The following APP variants were observed in gnomAD, a reference collection of about 807,000 sequenced individuals.
APP encodes amyloid beta precursor protein, also known as amyloid-beta precursor protein.
APP carries 31 observed loss-of-function variants against 101.4 expected under a neutral mutation model. The observed-to-expected ratio is 0.31, with a 90% confidence interval of 0.23 to 0.41. The LOEUF (loss-of-function observed/expected upper bound fraction) is 0.41, where lower values mean the gene tolerates loss of function less well. Among genes scored for constraint, APP ranks in the 10% least tolerant of loss-of-function variants. The pLI is 1.00. For synonymous variants in APP, 366 were observed against 364.4 expected, an observed-to-expected ratio of 1.00 and a Z score of -0.05; for missense variants, 839 against 1,003.7, an observed-to-expected ratio of 0.84 and a Z score of 2.22.
At chr21:26,111,098 A>G (rs2062310568) in intron 2 of APP, among the ~76,000 whole-genome samples, 1 of 151,018 alleles carries the variant, frequency 6.6e-6, no homozygotes, top group Admixed American at 6.6e-5. Context: ...AAAAAAAAAA[A>G]AAAAAAAAAA....
At chr21:26,001,415 T>C (rs948567560) in intron 6 of APP, among the ~76,000 whole-genome samples, 10 of 152,246 alleles carry the variant, frequency 6.6e-5, no homozygotes, top group African/African-American at 2.4e-4. Context: ...CACACACAGA[T>C]GTCTTCTTAG....
intron 1 of APP, among the ~76,000 whole-genome samples, chr21:26,121,310 C>T (rs2146238357): frequency 6.6e-6 from 1 of 152,202 alleles, no homozygotes; most frequent in East Asian, 1.9e-4. Flanking sequence ...CTGGGGGTCA[C>T]TCCTCATACC....
intron 1 of APP, among the ~76,000 whole-genome samples, chr21:26,122,287 T>A (rs2062590949): frequency 6.6e-6 from 1 of 152,150 alleles, no homozygotes; most frequent in Admixed American, 6.5e-5. Flanking sequence ...CACTGCTGAG[T>A]CTGGTACATA....
intron 16 of APP, among the ~76,000 whole-genome samples, chr21:25,897,234 TC>T (rs543020371): frequency 1.8e-4 from 27 of 152,048 alleles, no homozygotes; most frequent in South Asian, 8.3e-4. Flanking sequence ...TGCGTCAGCC[TC>T]CCCAGCAGCT....
chr21:26,041,869 C>G (rs1367307658), intron 5 of APP, among the ~76,000 whole-genome samples: 1 of 151,858 alleles, frequency 6.6e-6, no homozygotes, highest in Non-Finnish European at 1.5e-5. Flanking sequence ...AAACTGGCAG[C>G]CAGTTCCCTC....
chr21:25,980,998 G>A (rs1305724877), intron 9 of APP, among the ~76,000 whole-genome samples: 1 of 152,172 alleles, frequency 6.6e-6, no homozygotes, highest in Non-Finnish European at 1.5e-5. Flanking sequence ...TGGTGATGGG[G>A]CATGAGGTTG....
intron 1 of APP, among the ~76,000 whole-genome samples, chr21:26,164,244 C>A (rs971700872): frequency 1.3e-5 from 2 of 152,204 alleles, no homozygotes; most frequent in Non-Finnish European, 2.9e-5. Context: ...GACTCCGTCT[C>A]AAAAACAAAA....
rs200487832 is a variant in APP at position 25,976,000 on chromosome 21, C to T, written c.1253G>A (p.Arg418His). 5.0e-6 allele frequency: 8 copies of T among 1,613,744 alleles called. No individual in the cohort carries two copies. The highest frequency in any genetic ancestry group is 1.1e-5 in the South Asian group (1 of 91,088). ...AGCTTTAGGCAAGTTCTTTGCTTGACGTTCTGCCTCTTCCCATTCTCTCAT... is the reference window on the plus strand; with the variant it reads ...AGCTTTAGGCAAGTTCTTTGCTTGATGTTCTGCCTCTTCCCATTCTCTCAT... Reference protein sequence around the residue: ...QVMREWEEAERQAKNLPKADK... With the variant: ...QVMREWEEAEHQAKNLPKADK... The change falls in exon 10 of 18, where the codon CGT becomes CAT. Residue 418 changes from arginine to histidine, a missense_variant. Arg to His is a conservative substitution (Grantham distance 29). Coordinates refer to ENST00000346798, the MANE Select transcript of APP (RefSeq NM_000484.4).
chr21:26,032,125 G>C (rs2044856989), intron 5 of APP, among the ~76,000 whole-genome samples: 2 of 152,170 alleles, frequency 1.3e-5, no homozygotes, highest in Non-Finnish European at 2.9e-5. Context: ...GTTCTGGAGA[G>C]GTAAGACTTT....
intron 15 of APP, among the ~76,000 whole-genome samples, chr21:25,898,915 A>T (rs767090314): frequency 1.1e-4 from 16 of 152,182 alleles, no homozygotes; most frequent in Admixed American, 3.9e-4. Context: ...CATCTTGCTG[A>T]CACTGAAAAG....
intron 1 of APP, among the ~76,000 whole-genome samples, chr21:26,168,139 T>C (rs1374401082): frequency 1.3e-5 from 2 of 152,182 alleles, no homozygotes; most frequent in Admixed American, 6.5e-5. Context: ...AAACATCATA[T>C]AGATTAGGGT....
chr21:25,905,244 A>T (rs2038729102), intron 14 of APP, among the ~76,000 whole-genome samples, 167 bp from the exon 15 acceptor site: 1 of 152,172 alleles, frequency 6.6e-6, no homozygotes, highest in Non-Finnish European at 1.5e-5. Flanking sequence ...AGCATCGAGG[A>T]CCAGGAGGGG....
chr21:26,036,913 A>T (rs1164900095), intron 5 of APP, among the ~76,000 whole-genome samples: 1 of 152,196 alleles, frequency 6.6e-6, no homozygotes, highest in East Asian at 1.9e-4. Flanking sequence ...TACTCACAAT[A>T]GCCAAGATAT....
Position 25,911,856 on chromosome 21 carries a change from G to T in APP, c.1794C>A (p.Thr598=). 1 of 1,614,056 alleles carries T rather than the reference G, an allele frequency of 6.2e-7. No homozygotes were observed. Among genetic ancestry groups the T allele is most frequent in the Non-Finnish European group, 8.5e-7 (1 of 1,180,012 alleles). ...GGAGCTCCACGGTGGTTTTCGTTTCGGTCAAAGATGGCATGAGAGCATCGT... is the reference window on the plus strand; with the variant it reads ...GGAGCTCCACGGTGGTTTTCGTTTCTGTCAAAGATGGCATGAGAGCATCGT... The part of the protein sequence containing the change: ...YGNDALMPSL[T]ETKTTVELLP... The change falls in exon 14 of 18, where the codon ACC becomes ACA. Residue 598 remains threonine (T), a synonymous_variant. Coordinates refer to ENST00000346798, the MANE Select transcript of APP (RefSeq NM_000484.4).
At chr21:25,901,295 T>TC (rs1254373475) in intron 15 of APP, among the ~76,000 whole-genome samples, 2,359 of 74,688 alleles carry the variant, frequency 0.032, 128 homozygotes, top group African/African-American at 0.072. Context: ...AAATCCTGTT[T>TC]TAAAAAAAAA....
intron 1 of APP, among the ~76,000 whole-genome samples, chr21:26,128,306 T>C (rs1170937750): frequency 6.6e-6 from 1 of 152,216 alleles, no homozygotes; most frequent in African/African-American, 2.4e-5. Flanking sequence ...CTTTTCAGAA[T>C]GTCTGATATA....
intron 2 of APP, among the ~76,000 whole-genome samples, chr21:26,103,454 G>A (rs2062109444): frequency 1.1e-5 from 1 of 94,136 alleles, no homozygotes; most frequent in Admixed American, 1.2e-4. Context: ...ACAAAAATTA[G>A]CCACATGTGG....
intron 6 of APP, among the ~76,000 whole-genome samples, chr21:26,010,223 A>C (rs937652579): frequency 3.9e-5 from 6 of 152,170 alleles, no homozygotes; most frequent in South Asian, 4.1e-4. Flanking sequence ...CAAAAAAAAA[A>C]AAAAACAAAA....
chr21:26,125,836 A>G (rs531710026), intron 1 of APP, among the ~76,000 whole-genome samples: 29 of 152,286 alleles, frequency 1.9e-4, no homozygotes, highest in Non-Finnish European at 3.5e-4. Context: ...ACTTATTTTA[A>G]TTTTCAAAAC....
Sources: allele counts gnomAD v4.1 joint callset (sites outside exome capture counted in the v4.1 genomes callset), GRCh38; gene constraint gnomAD v4.1.1; transcripts MANE v1.5; gene names NCBI Gene and HGNC (gene_info 2026-07-23, HGNC 2026-07-21).